The following CALN1 variants were observed in gnomAD, a reference collection of about 807,000 sequenced individuals.
The protein encoded by CALN1 is calcium-binding protein 8.
CALN1 carries 17 observed loss-of-function variants against 30.6 expected under a neutral mutation model. The observed-to-expected ratio is 0.56, with a 90% CI of 0.38 to 0.83. The LOEUF is 0.83. Among genes scored for constraint, CALN1 ranks in the 40% least tolerant of loss-of-function variants. The probability of loss-of-function intolerance (pLI) is 0.00; values close to 1 mark genes in which losing one functional copy is unlikely to be tolerated. For missense variants in CALN1, 291 were observed against 354.9 expected (o/e 0.82, Z 1.45); for synonymous variants, 156 against 131.4 (o/e 1.19, Z -1.28).
chr7:72,370,529 C>T (rs951500392), intron 2 of CALN1, among the ~76,000 whole-genome samples: 4 of 152,074 alleles, frequency 2.6e-5, no homozygotes, highest in Non-Finnish European at 4.4e-5. Context: ...TGGCACATGC[C>T]TGTAGTCCCA....
At chr7:71,925,240 G>A (rs1036529479) in intron 5 of CALN1, among the ~76,000 whole-genome samples, 4 of 151,926 alleles carry the variant, frequency 2.6e-5, no homozygotes, top group Non-Finnish European at 4.4e-5. Context: ...GACTCTGAGG[G>A]GGAGAGAGAG....
intron 2 of CALN1, among the ~76,000 whole-genome samples, chr7:72,386,172 A>G (rs1211970881): frequency 6.6e-6 from 1 of 152,252 alleles, no homozygotes; most frequent in African/African-American, 2.4e-5. Context: ...TTGTGGATAC[A>G]TGACAATATG....
At chr7:72,118,375 G>C (rs1489220464) in intron 3 of CALN1, among the ~76,000 whole-genome samples, 1 of 152,170 alleles carries the variant, frequency 6.6e-6, no homozygotes, top group Non-Finnish European at 1.5e-5. Flanking sequence ...GTAACTTTAT[G>C]AGGTGGTGAA....
intron 5 of CALN1, among the ~76,000 whole-genome samples, chr7:71,867,679 C>T (rs1263821012): frequency 6.6e-6 from 1 of 152,096 alleles, no homozygotes; most frequent in Non-Finnish European, 1.5e-5. Flanking sequence ...GTGATCTGCC[C>T]ACTTTGGCCT....
intron 5 of CALN1, among the ~76,000 whole-genome samples, chr7:71,991,700 G>T (rs1233632965): frequency 6.6e-6 from 1 of 152,122 alleles, no homozygotes; most frequent in Non-Finnish European, 1.5e-5. Context: ...AGAAAACAAG[G>T]GACAGATACT....
intron 3 of CALN1, among the ~76,000 whole-genome samples, chr7:72,171,507 T>A (rs1030566571): frequency 9.9e-5 from 15 of 152,166 alleles, no homozygotes; most frequent in African/African-American, 3.6e-4. Context: ...GTGACTGATA[T>A]AATTTGTAAC....
At chr7:71,874,150 C>A (rs1308016149) in intron 5 of CALN1, among the ~76,000 whole-genome samples, 1 of 151,874 alleles carries the variant, frequency 6.6e-6, no homozygotes, top group Non-Finnish European at 1.5e-5. Flanking sequence ...TGGTGGGCAC[C>A]TGTAGTACCA....
chr7:72,299,807 T>C (rs1266331545), intron 2 of CALN1, among the ~76,000 whole-genome samples: 1 of 151,622 alleles, frequency 6.6e-6, no homozygotes, highest in Non-Finnish European at 1.5e-5. Flanking sequence ...AGTGCTAGCA[T>C]TACAGGCCTG....
At chr7:72,466,156 C>A in the CALN1 span, among the ~76,000 whole-genome samples, 2 of 152,144 alleles carry the variant, frequency 1.3e-5, no homozygotes, top group Admixed American at 1.3e-4. Flanking sequence ...ACCTCCATTG[C>A]CCATTCCAGC....
chr7:72,067,525 C>T (rs62462783), intron 4 of CALN1, among the ~76,000 whole-genome samples: 36,100 of 152,132 alleles, frequency 0.24, 5,057 homozygotes, highest in Non-Finnish European at 0.32. Flanking sequence ...GTTGGAATTA[C>T]AGGCATGAGC....
chr7:72,139,979 G>T (rs1047181217), intron 3 of CALN1, among the ~76,000 whole-genome samples: 1 of 152,096 alleles, frequency 6.6e-6, no homozygotes, highest in Non-Finnish European at 1.5e-5. Context: ...ACCACTGTTG[G>T]GGGAGGTTAG....
chr7:72,360,529 G>T (rs1554387305), intron 2 of CALN1, among the ~76,000 whole-genome samples: 1 of 151,516 alleles, frequency 6.6e-6, no homozygotes, highest in Non-Finnish European at 1.5e-5. Flanking sequence ...AACATTGGAT[G>T]TCAATCACCT....
At chr7:72,289,715 T>A (rs879910395) in intron 2 of CALN1, among the ~76,000 whole-genome samples, 4 of 151,908 alleles carry the variant, frequency 2.6e-5, no homozygotes, top group Non-Finnish European at 5.9e-5. Context: ...TGTAGCAAAA[T>A]GATTAGGAAG....
intron 4 of CALN1, among the ~76,000 whole-genome samples, chr7:72,027,796 G>A (rs1424070132): frequency 2.0e-5 from 3 of 151,068 alleles, no homozygotes; most frequent in Admixed American, 1.3e-4. Context: ...GGTGGCTCAC[G>A]CCTGTAATCC....
chr7:72,403,701 T>C (rs1806508049), intron 1 of CALN1, among the ~76,000 whole-genome samples: 1 of 152,254 alleles, frequency 6.6e-6, no homozygotes, highest in South Asian at 2.1e-4. Flanking sequence ...ACAGGTATTT[T>C]TCCATTCGTA....
Position 71,809,455 on chromosome 7 carries a change from T to C in CALN1, c.658+881A>G, listed in dbSNP as rs1562798434. ...TTCCCAACTATGTATACTGACTTAT[T>C]TAAATGTTCAAAAAAAAAAAAAAGA... On this transcript the variant is annotated intron_variant, in intron 6 of 6. Transcript: ENST00000395275. Among the ~76,000 whole-genome samples the C allele has an allele frequency of 1.2e-4, 12 of 101,182 alleles. 1 individual carries two copies. The allele number at this position is 101,182 out of a possible 152,430, so 66.4% of individuals were successfully genotyped here. A position where few individuals can be genotyped will look rare whatever the true frequency, so the allele number is the denominator to read the frequency against.
At chr7:72,390,415 T>C (rs1381911132) in intron 2 of CALN1, among the ~76,000 whole-genome samples, 2 of 151,904 alleles carry the variant, frequency 1.3e-5, no homozygotes, top group African/African-American at 2.4e-5. Flanking sequence ...TGGGTGACAG[T>C]GCAAGACTCT....
In CALN1 at chr7:71,921,562, C is replaced by A. The variant is rs17146551; in HGVS notation, c.501+102095G>T. Among the ~76,000 whole-genome samples, 1,323 of 152,168 alleles carry A rather than the reference C, an allele frequency of 8.7e-3. 23 individuals are homozygous for A. Among genetic ancestry groups the A allele is most frequent in the African/African-American group, 0.03 (1,243 of 41,518 alleles). Reference sequence around the variant, plus strand: ...AAAACCACCTTAATACATATATTATCAGGATGGACTGATTTTCCTAAGTGA... The same window carrying A: ...AAAACCACCTTAATACATATATTATAAGGATGGACTGATTTTCCTAAGTGA... On this transcript the variant is annotated intron_variant, in intron 5 of 6. Transcript: ENST00000395275.
chr7:71,798,956 A>G (rs1029074043), intron 6 of CALN1, among the ~76,000 whole-genome samples: 15 of 151,820 alleles, frequency 9.9e-5, no homozygotes, highest in African/African-American at 3.6e-4. Flanking sequence ...GATACCCCCA[A>G]TGTGGGCAGT....
Sources: gnomAD v4.1 joint callset for allele counts (sites outside exome capture counted in the v4.1 genomes callset) on GRCh38, gnomAD v4.1.1 for gene constraint, MANE v1.5 for transcripts, NCBI Gene and HGNC (gene_info 2026-07-23, HGNC 2026-07-21) for gene names.